PCNX2: variants seen among roughly 807,000 people sequenced by gnomAD.
PCNX2 encodes the protein pecanex 2, also known as pecanex-like protein 2.
In PCNX2, 168 loss-of-function variants were observed where a neutral mutation model predicts 223.8. That is an observed-to-expected ratio of 0.75 (90% CI 0.66 to 0.85). The LOEUF is 0.85. Among genes scored for constraint, PCNX2 ranks in the 40% least tolerant of loss-of-function variants. The pLI is 0.00. For missense variants in PCNX2, 2,507 were observed against 2,675.5 expected, an observed-to-expected ratio of 0.94 and a Z score of 1.39; for synonymous variants, 1,006 against 1,052.6, an observed-to-expected ratio of 0.96 and a Z score of 0.86.
rs188106004 is a variant in PCNX2 at position 233,147,196 on chromosome 1, C to T, written c.3518-7341G>A. ...ACCAACGCTTGCACAGTCAAAAGTGCGAATTTAACGTTGACTCCCCCAAAA... is the reference window on the plus strand; with the variant it reads ...ACCAACGCTTGCACAGTCAAAAGTGTGAATTTAACGTTGACTCCCCCAAAA... On this transcript the variant is annotated intron_variant, in intron 19 of 33. Coordinates refer to ENST00000258229, the MANE Select transcript of PCNX2 (RefSeq NM_014801.4). 1.6e-4 allele frequency among the ~76,000 whole-genome samples: 24 copies of T among 152,168 alleles called. No homozygotes were observed. In the East Asian group the frequency reaches 4.3e-3, roughly 27 times the overall value.
intron 27 of PCNX2, among the ~76,000 whole-genome samples, chr1:233,016,569 C>T (rs1670671129): frequency 6.6e-6 from 1 of 152,144 alleles, no homozygotes; most frequent in Admixed American, 6.5e-5. Context: ...TCAATATGTT[C>T]AGTAAATCCC....
At chr1:233,316,697 C>T in the PCNX2 span, among the ~76,000 whole-genome samples, 2 of 152,058 alleles carry the variant, frequency 1.3e-5, no homozygotes, top group African/African-American at 4.8e-5. Context: ...CTTGCCAAAC[C>T]CCTCCTGTCC....
chr1:233,261,919 C>G, intron 3 of PCNX2, 126 bp downstream of exon 3: 1 of 1,408,812 alleles, frequency 7.1e-7, no homozygotes, highest in South Asian at 1.2e-5. Flanking sequence ...ATGTGATATT[C>G]CACTGTACAC....
At chr1:233,316,140 T>C in the PCNX2 span, among the ~76,000 whole-genome samples, 1 of 152,232 alleles carries the variant, frequency 6.6e-6, no homozygotes, top group Non-Finnish European at 1.5e-5. Flanking sequence ...GCCCTTGCTA[T>C]AATCTGTAAC....
At chr1:233,149,766 C>T (rs776554736) in intron 19 of PCNX2, among the ~76,000 whole-genome samples, 24 of 152,120 alleles carry the variant, frequency 1.6e-4, no homozygotes, top group South Asian at 4.1e-4. Flanking sequence ...AGCCCTTGAT[C>T]TCCGTTTAGG....
At chr1:233,107,003 T>C (rs1674828674) in intron 21 of PCNX2, among the ~76,000 whole-genome samples, 1 of 152,134 alleles carries the variant, frequency 6.6e-6, no homozygotes, top group African/African-American at 2.4e-5. Flanking sequence ...TTATGCTTTA[T>C]GCTCTTTAAA....
intron 19 of PCNX2, among the ~76,000 whole-genome samples, chr1:233,149,010 G>A (rs1677635062): frequency 6.6e-6 from 1 of 152,186 alleles, no homozygotes; most frequent in African/African-American, 2.4e-5. Context: ...CGGCAAATGT[G>A]CTTCCTGCAT....
At chr1:233,165,742 C>T (rs967517320) in intron 17 of PCNX2, among the ~76,000 whole-genome samples, 24 of 152,118 alleles carry the variant, frequency 1.6e-4, no homozygotes, top group African/African-American at 5.8e-4. Context: ...GGGAGATATA[C>T]TGCATTCCTG....
Position 233,095,109 on chromosome 1 carries a change from G to A in PCNX2, c.3946+646C>T, listed in dbSNP as rs558747446. Among the ~76,000 whole-genome samples the A allele has an allele frequency of 5.3e-5, 8 of 152,126 alleles. No homozygotes were observed. The South Asian group carries it at 1.5e-3, about 28-fold the overall frequency. On this transcript the variant is annotated intron_variant, in intron 22 of 33. Transcript: ENST00000258229. ...TCTCTCTCCGCTTCCCCTTACCCAC[G>A]CGTGCACATATATAAAACTTAGCTA...
At chr1:233,265,881 T>A (rs1016899373) in intron 1 of PCNX2, among the ~76,000 whole-genome samples, 3 of 152,186 alleles carry the variant, frequency 2.0e-5, no homozygotes, top group African/African-American at 7.2e-5. Flanking sequence ...CATGCCCCAA[T>A]ATTCAGAGAG....
chr1:233,071,766 G>A (rs1368580169), intron 23 of PCNX2, among the ~76,000 whole-genome samples: 2 of 152,164 alleles, frequency 1.3e-5, no homozygotes, highest in African/African-American at 4.8e-5. Context: ...TCCACCAACA[G>A]TGTATAAGCA....
intron 23 of PCNX2, chr1:233,058,647 T>G (rs1672278812): frequency 6.6e-6 from 1 of 152,042 alleles, no homozygotes; most frequent in Admixed American, 6.6e-5. Flanking sequence ...CTCCTGCTTT[T>G]TCTTTTTCTT....
intron 1 of PCNX2, among the ~76,000 whole-genome samples, chr1:233,292,391 TAA>T (rs989674638): frequency 1.3e-5 from 2 of 151,990 alleles, no homozygotes; most frequent in African/African-American, 4.8e-5. Flanking sequence ...GTCTTTTTAG[TAA>T]AGACAGGATT....
chr1:233,318,292 C>T, the PCNX2 span, among the ~76,000 whole-genome samples: 1 of 152,180 alleles, frequency 6.6e-6, no homozygotes, highest in African/African-American at 2.4e-5. Context: ...AATTCACATA[C>T]AGTTTTTGAG....
At chr1:233,217,607 C>T (rs1657046854) in intron 12 of PCNX2, among the ~76,000 whole-genome samples, 1 of 152,124 alleles carries the variant, frequency 6.6e-6, no homozygotes, top group East Asian at 1.9e-4. Flanking sequence ...CTGCGGTCTT[C>T]CCCCAAGACT....
the PCNX2 span, among the ~76,000 whole-genome samples, chr1:233,324,105 A>C: frequency 1.3e-5 from 2 of 152,266 alleles, no homozygotes; most frequent in Non-Finnish European, 2.9e-5. Context: ...CCAAAGCCTA[A>C]TCCAAAGCAA....
intron 10 of PCNX2, among the ~76,000 whole-genome samples, chr1:233,223,526 T>C (rs1657517381): frequency 6.6e-6 from 1 of 152,162 alleles, no homozygotes; most frequent in African/African-American, 2.4e-5. Context: ...ACATGTGCCA[T>C]GGTGGTTTGC....
At chr1:233,235,943 C>G (rs1208974925) in intron 9 of PCNX2, among the ~76,000 whole-genome samples, 1 of 37,172 alleles carries the variant, frequency 2.7e-5, no homozygotes, top group East Asian at 4.5e-4. Context: ...TGTGGCAAAG[C>G]AATCATAAAA....
At chr1:233,056,910 AT>A (rs1211304380) in intron 24 of PCNX2, among the ~76,000 whole-genome samples, 6 of 151,718 alleles carry the variant, frequency 4.0e-5, no homozygotes, top group Non-Finnish European at 5.9e-5. Flanking sequence ...TTTCCAAAGA[AT>A]TTTTTTTTCC....
Sources: gnomAD v4.1 joint callset for allele counts (sites outside exome capture counted in the v4.1 genomes callset) on GRCh38, gnomAD v4.1.1 for gene constraint, MANE v1.5 for transcripts, NCBI Gene and HGNC (gene_info 2026-07-23, HGNC 2026-07-21) for gene names.